GALK2: variants seen among roughly 807,000 people sequenced by gnomAD.
GALK2 encodes the protein galactokinase 2.
Under a neutral mutation model 52.4 loss-of-function variants are expected in GALK2, and 36 were observed. The observed-to-expected ratio is 0.69, with a 90% confidence interval of 0.53 to 0.91. The LOEUF (loss-of-function observed/expected upper bound fraction) is 0.91, where lower values mean the gene tolerates loss of function less well. GALK2 is among the 40% of genes least tolerant of loss of function. The pLI is 0.00. For missense variants in GALK2, 579 were observed against 559.1 expected (o/e 1.04, Z -0.36); for synonymous variants, 176 against 199.1 (o/e 0.88, Z 0.98).
At chr15:49,171,070 CT>C (rs2085049348) in intron 1 of GALK2, among the ~76,000 whole-genome samples, 1 of 143,106 alleles carries the variant, frequency 7.0e-6, no homozygotes, top group Non-Finnish European at 1.5e-5. Context: ...TTTCTTTTTT[CT>C]TTTTCTTTTT....
chr15:49,322,776 T>A (rs1489559773), intron 9 of GALK2, among the ~76,000 whole-genome samples: 1 of 151,684 alleles, frequency 6.6e-6, no homozygotes, highest in African/African-American at 2.4e-5. Flanking sequence ...GCTAACACGG[T>A]GAAACCCCAT....
chr15:49,295,668 G>C (rs1290359725), intron 8 of GALK2, among the ~76,000 whole-genome samples: 23 of 152,168 alleles, frequency 1.5e-4, no homozygotes, highest in Non-Finnish European at 1.2e-4. Context: ...TGTGTGGACA[G>C]TGTTACCTTG....
intron 1 of GALK2, among the ~76,000 whole-genome samples, chr15:49,179,976 G>T (rs189174972): frequency 2.0e-5 from 3 of 152,100 alleles, no homozygotes; most frequent in African/African-American, 4.8e-5. Flanking sequence ...TGTTCTTAGA[G>T]AAAAATGCCT....
chr15:49,328,215 T>A lies in GALK2; in HGVS notation c.*56T>A, dbSNP rs1000036230. ...TAGGGCACTTAGGAATTGGCAGGACTTTCTGTGCCACAGTAAATTAATCTT... is the reference window on the plus strand; with the variant it reads ...TAGGGCACTTAGGAATTGGCAGGACATTCTGTGCCACAGTAAATTAATCTT... On this transcript the variant is annotated 3_prime_UTR_variant, in exon 10 of 10. Transcript: ENST00000560031. 13 of 1,547,738 alleles carry A rather than the reference T, an allele frequency of 8.4e-6. No individual in the cohort carries two copies. The African/African-American group carries it at 1.6e-4, about 20-fold the overall frequency.
At chr15:49,269,869 A>G (rs8041823) in intron 5 of GALK2, among the ~76,000 whole-genome samples, 41,991 of 152,196 alleles carry the variant, frequency 0.28, 6,304 homozygotes, top group East Asian at 0.43. Flanking sequence ...TTCTATCTAT[A>G]TATCCCCAAT....
At chr15:49,201,056 GTGT>G in intron 1 of GALK2, 103 bp from the exon 2 acceptor site, 1 of 351,884 alleles carries the variant, frequency 2.8e-6, no homozygotes, top group Admixed American at 3.8e-5. Context: ...CATATGGAGT[GTGT>G]GTGTGTGTGT....
chr15:49,204,364 A>ATTTTTTTT (rs199895287), intron 2 of GALK2, among the ~76,000 whole-genome samples: 8,981 of 151,534 alleles, frequency 0.059, 527 homozygotes, highest in African/African-American at 0.14. Context: ...AAATTTTAGA[A>ATTTTTTTT]TTAATTTCTG....
In GALK2 at chr15:49,279,619, A is replaced by C. The variant is rs74651122; in HGVS notation, c.505-2368A>C. Reference sequence around the variant, plus strand: ...AGGAGATAATGCTTACAAAAGAAATAATGCAAGGTACTTAGTATACTTACC... The same window carrying C: ...AGGAGATAATGCTTACAAAAGAAATCATGCAAGGTACTTAGTATACTTACC... On this transcript the variant is annotated intron_variant, in intron 5 of 9. Transcript: ENST00000560031. Among the ~76,000 whole-genome samples the C allele has an allele frequency of 9.7e-4, 147 of 152,322 alleles. 1 individual carries two copies. In the East Asian group the frequency reaches 0.016, roughly 16 times the overall value.
intron 8 of GALK2, among the ~76,000 whole-genome samples, chr15:49,311,453 C>A (rs2035984029): frequency 6.6e-6 from 1 of 152,194 alleles, no homozygotes; most frequent in Non-Finnish European, 1.5e-5. Flanking sequence ...TTTCTTTATC[C>A]TCTTTTCATG....
At chr15:49,319,827 C>T (rs374694309) in intron 9 of GALK2, 22 bp downstream of exon 9, 1 of 1,592,918 alleles carries the variant, frequency 6.3e-7, no homozygotes, top group African/African-American at 1.3e-5. Flanking sequence ...TGGTGGGGGC[C>T]AAGGGATGCC....
rs140105448 is a variant in GALK2 at position 49,283,778 on chromosome 15, T to G, written c.756+60T>G. The G allele has an allele frequency of 1.1e-3, 1,765 of 1,557,164 alleles. 18 individuals carry two copies. The African/African-American group carries it at 0.022, about 19-fold the overall frequency. ...GGGTTTTTCTTGTCTTTATTTTCAT[T>G]GTTCTCTATTACTTTATCTCTTTCC... On this transcript the variant is annotated intron_variant, in intron 7 of 9. Coordinates refer to ENST00000560031, the MANE Select transcript of GALK2 (RefSeq NM_002044.4).
downstream of GALK2, among the ~76,000 whole-genome samples, chr15:49,336,730 AG>A (rs2039780363): frequency 6.6e-6 from 1 of 152,132 alleles, no homozygotes; most frequent in African/African-American, 2.4e-5. Context: ...TTTTAGATCC[AG>A]GGGTTACATG....
intron 3 of GALK2, among the ~76,000 whole-genome samples, chr15:49,355,260 GAGA>G (rs1203305095): frequency 1.3e-5 from 2 of 152,236 alleles, no homozygotes; most frequent in Admixed American, 6.5e-5. Context: ...GAAGAGCTCA[GAGA>G]AGAAGGCTTC....
At chr15:49,242,430 A>T (rs1296977390) in intron 5 of GALK2, among the ~76,000 whole-genome samples, 2 of 152,174 alleles carry the variant, frequency 1.3e-5, no homozygotes, top group African/African-American at 4.8e-5. Context: ...GTTGAGGGGA[A>T]TTTACCATAG....
At chr15:49,341,127 C>T (rs868749679) in intron 3 of GALK2, among the ~76,000 whole-genome samples, 1 of 152,138 alleles carries the variant, frequency 6.6e-6, no homozygotes, top group Non-Finnish European at 1.5e-5. Context: ...GTCTATGTGT[C>T]TGTTGTTGTA....
chr15:49,203,246 T>C (rs1363855408), intron 2 of GALK2, among the ~76,000 whole-genome samples: 3 of 152,266 alleles, frequency 2.0e-5, no homozygotes, highest in African/African-American at 7.2e-5. Context: ...AGATGGGGTT[T>C]CACCATGTTG....
chr15:49,299,775 C>CT (rs1275337042), intron 8 of GALK2, among the ~76,000 whole-genome samples: 8 of 128,184 alleles, frequency 6.2e-5, no homozygotes, highest in South Asian at 5.0e-4. Context: ...TTCTTTCTTT[C>CT]TTTCTTTCTT....
chr15:49,307,253 G>C (rs1027121394), intron 8 of GALK2, among the ~76,000 whole-genome samples: 2 of 152,142 alleles, frequency 1.3e-5, no homozygotes, highest in Non-Finnish European at 2.9e-5. Context: ...GGTATCTCAA[G>C]TCAACGGGGA....
At chr15:49,181,902 G>A (rs1163935045) in intron 1 of GALK2, among the ~76,000 whole-genome samples, 2 of 151,598 alleles carry the variant, frequency 1.3e-5, no homozygotes, top group African/African-American at 4.9e-5. Context: ...GGGTACATGA[G>A]ATATTTTGAT....
Sources: gnomAD v4.1 joint callset for allele counts (sites outside exome capture counted in the v4.1 genomes callset) on GRCh38, gnomAD v4.1.1 for gene constraint, MANE v1.5 for transcripts, NCBI Gene and HGNC (gene_info 2026-07-23, HGNC 2026-07-21) for gene names.